Variants in SYNDIG1L observed in about 807,000 individuals in gnomAD.
SYNDIG1L encodes synapse differentiation inducing 1 like, also known as synapse differentiation-inducing gene protein 1-like.
SYNDIG1L carries 13 observed loss-of-function variants against 20.1 expected under a neutral mutation model. The observed-to-expected ratio is 0.65, with a 90% confidence interval of 0.42 to 1.03. The LOEUF is 1.03. SYNDIG1L is among the 50% of genes least tolerant of loss of function. The pLI is 0.00. For synonymous variants in SYNDIG1L, 128 were observed against 129.3 expected (o/e 0.99, Z 0.07); for missense variants, 294 against 305.1 (o/e 0.96, Z 0.27).
Position 74,409,349 on chromosome 14 carries a change from C to T in SYNDIG1L, c.396G>A (p.Glu132=). 6.4e-7 allele frequency: 1 copy of T among 1,566,374 alleles called. No homozygotes were observed. Among genetic ancestry groups the T allele is most frequent in the South Asian group, 1.2e-5 (1 of 84,430 alleles). The change falls in exon 2 of 4, where the codon GAG becomes GAA. Residue 132 remains glutamate (E), a synonymous_variant. Coordinates refer to ENST00000331628, the MANE Select transcript of SYNDIG1L (RefSeq NM_001105579.2). The part of the protein sequence containing the change: ...YGVQEELRDQ[E]DDQEEEESDA... ...TCACCTCCTCTTCCTCCTGGTCATCCTCCTGGTCCCGCAGCTCCTCTTGTA... is the reference window on the plus strand; with the variant it reads ...TCACCTCCTCTTCCTCCTGGTCATCTTCCTGGTCCCGCAGCTCCTCTTGTA...
the SYNDIG1L span, among the ~76,000 whole-genome samples, chr14:74,459,497 G>A: frequency 2.6e-5 from 4 of 152,134 alleles, no homozygotes; most frequent in African/African-American, 7.2e-5. Flanking sequence ...GTGTGAGATC[G>A]TGTCTCAAAA....
chr14:74,451,597 C>G, the SYNDIG1L span, among the ~76,000 whole-genome samples: 23 of 152,308 alleles, frequency 1.5e-4, no homozygotes, highest in African/African-American at 5.3e-4. Context: ...AAACCTTCTG[C>G]TCTTTGAAAG....
At chr14:74,449,242 GA>G in the SYNDIG1L span, among the ~76,000 whole-genome samples, 1 of 136,192 alleles carries the variant, frequency 7.3e-6, no homozygotes, top group Admixed American at 7.3e-5. Context: ...CACAAAGAAA[GA>G]AAAAAAGAAA....
At chr14:74,434,269 G>C in the SYNDIG1L span, among the ~76,000 whole-genome samples, 1 of 152,058 alleles carries the variant, frequency 6.6e-6, no homozygotes, top group Non-Finnish European at 1.5e-5. Context: ...TCCATTGAGT[G>C]AATGATTGCT....
chr14:74,437,461 G>A, the SYNDIG1L span, among the ~76,000 whole-genome samples: 1 of 152,286 alleles, frequency 6.6e-6, no homozygotes, highest in East Asian at 1.9e-4. Flanking sequence ...TCATGTACCT[G>A]GTTGCCAGGC....
At chr14:74,453,089 G>T in the SYNDIG1L span, among the ~76,000 whole-genome samples, 2 of 152,078 alleles carry the variant, frequency 1.3e-5, no homozygotes, top group Non-Finnish European at 2.9e-5. Flanking sequence ...GCTCACACCT[G>T]TAATCCCAGC....
At chr14:74,423,088 G>T (rs901358273) in intron 1 of SYNDIG1L, among the ~76,000 whole-genome samples, 1 of 152,014 alleles carries the variant, frequency 6.6e-6, no homozygotes, top group Non-Finnish European at 1.5e-5. Context: ...TGTGCCATAT[G>T]CCAGGGTTGA....
At chr14:74,432,176 T>TGAGAGA in the SYNDIG1L span, among the ~76,000 whole-genome samples, 1 of 140,108 alleles carries the variant, frequency 7.1e-6, no homozygotes, top group South Asian at 2.3e-4. Context: ...TGTGTGTGTG[T>TGAGAGA]GTGTGAGAGA....
chr14:74,441,103 G>C, the SYNDIG1L span, among the ~76,000 whole-genome samples: 30 of 152,244 alleles, frequency 2.0e-4, no homozygotes, highest in African/African-American at 7.0e-4. Flanking sequence ...GTTCAAGTCA[G>C]AAGCAGCCAC....
intron 1 of SYNDIG1L, among the ~76,000 whole-genome samples, chr14:74,415,685 A>G (rs1029266702): frequency 2.6e-5 from 4 of 152,010 alleles, no homozygotes; most frequent in African/African-American, 9.7e-5. Flanking sequence ...GACTATAGGC[A>G]TGTACCACCA....
intron 1 of SYNDIG1L, 138 bp downstream of exon 1, chr14:74,425,774 G>A: frequency 6.6e-6 from 1 of 152,438 alleles, no homozygotes; most frequent in Non-Finnish European, 1.5e-5. Context: ...CGAAGTGCAA[G>A]CCTTGGCGGA....
the SYNDIG1L span, among the ~76,000 whole-genome samples, chr14:74,462,775 C>T: frequency 1.4e-4 from 22 of 152,098 alleles, no homozygotes; most frequent in Non-Finnish European, 3.1e-4. Context: ...CAAAGTGCTG[C>T]AATTACAGGT....
At chr14:74,444,932 T>C in the SYNDIG1L span, among the ~76,000 whole-genome samples, 3 of 152,346 alleles carry the variant, frequency 2.0e-5, no homozygotes, top group East Asian at 5.8e-4. Context: ...ATTCTTTAAT[T>C]AATCAGCAAT....
chr14:74,464,258 C>A, the SYNDIG1L span, among the ~76,000 whole-genome samples: 1 of 152,078 alleles, frequency 6.6e-6, no homozygotes, highest in African/African-American at 2.4e-5. Flanking sequence ...GTTGGTATAT[C>A]ACCTCCTTCA....
the SYNDIG1L span, among the ~76,000 whole-genome samples, chr14:74,442,387 T>C: frequency 2.0e-5 from 3 of 152,112 alleles, no homozygotes; most frequent in Admixed American, 6.5e-5. Flanking sequence ...GATACTTGCA[T>C]TGAGCACTGA....
chr14:74,437,027 C>CG, the SYNDIG1L span, among the ~76,000 whole-genome samples: 12 of 152,042 alleles, frequency 7.9e-5, no homozygotes, highest in East Asian at 2.3e-3. Context: ...TCACTTGACT[C>CG]TGAGTTTCTG....
chr14:74,459,843 G>A, the SYNDIG1L span, among the ~76,000 whole-genome samples: 1 of 152,226 alleles, frequency 6.6e-6, no homozygotes, highest in Non-Finnish European at 1.5e-5. Flanking sequence ...CCTTCAGAGA[G>A]GCCCCAATAA....
the SYNDIG1L span, among the ~76,000 whole-genome samples, chr14:74,475,099 G>T: frequency 6.6e-6 from 1 of 152,078 alleles, no homozygotes; most frequent in African/African-American, 2.4e-5. Flanking sequence ...CATCAGAGAG[G>T]CCATCAGTCT....
chr14:74,417,692 A>G (rs1380343274), intron 1 of SYNDIG1L, among the ~76,000 whole-genome samples: 2 of 152,184 alleles, frequency 1.3e-5, no homozygotes, highest in East Asian at 1.9e-4. Context: ...CTGGGCTCTG[A>G]CTTCCCACTC....
Sources: gnomAD v4.1 joint callset for allele counts (sites outside exome capture counted in the v4.1 genomes callset) on GRCh38, gnomAD v4.1.1 for gene constraint, MANE v1.5 for transcripts, NCBI Gene and HGNC (gene_info 2026-07-23, HGNC 2026-07-21) for gene names.